The following GABBR2 variants were observed in gnomAD, a reference collection of about 807,000 sequenced individuals.
GABBR2 encodes gamma-aminobutyric acid type B receptor subunit 2.
Under a neutral mutation model 105.6 loss-of-function variants are expected in GABBR2, and 23 were observed. The ratio of observed to expected loss-of-function variants is 0.22; its 90% CI spans 0.16 to 0.31. The LOEUF (loss-of-function observed/expected upper bound fraction) is 0.31. Ranked by LOEUF, GABBR2 falls within the 10% of genes least tolerant of loss-of-function variation. The pLI is 1.00. For missense variants in GABBR2, 734 were observed against 1,245.5 expected, an observed-to-expected ratio of 0.59 and a Z score of 6.18; for synonymous variants, 478 against 499.7, an observed-to-expected ratio of 0.96 and a Z score of 0.58.
rs867288288 is a variant in GABBR2 at position 98,658,170 on chromosome 9, A to G, written c.321+50247T>C. On this transcript the variant is annotated intron_variant, in intron 1 of 18. Coordinates refer to ENST00000259455, the MANE Select transcript of GABBR2 (RefSeq NM_005458.8). ...ACCCATAGTCAAGTGATTAATAAACAAGGAAGTTGGGATCCAAACACCAAA... is the reference window on the plus strand; with the variant it reads ...ACCCATAGTCAAGTGATTAATAAACGAGGAAGTTGGGATCCAAACACCAAA... Among the ~76,000 whole-genome samples, 7 of 152,202 alleles carry G rather than the reference A, an allele frequency of 4.6e-5. No individual in the cohort carries two copies. The South Asian group carries it at 1.2e-3, about 27-fold the overall frequency.
At chr9:98,433,503 T>A (rs566256092) in intron 7 of GABBR2, among the ~76,000 whole-genome samples, 1 of 152,328 alleles carries the variant, frequency 6.6e-6, no homozygotes, top group East Asian at 1.9e-4. Flanking sequence ...CAAGCTAGCC[T>A]CTACCTTATG....
chr9:98,593,912 T>A (rs774648291), intron 1 of GABBR2, among the ~76,000 whole-genome samples: 1 of 152,182 alleles, frequency 6.6e-6, no homozygotes. Flanking sequence ...CTCCCCCACC[T>A]GACAGATGAG....
At chr9:98,570,286 G>A (rs535822308) in intron 2 of GABBR2, among the ~76,000 whole-genome samples, 1 of 152,340 alleles carries the variant, frequency 6.6e-6, no homozygotes, top group African/African-American at 2.4e-5. Context: ...ACAGCGCTGG[G>A]AGAAATGCAT....
chr9:98,418,357 G>A (rs748827994), intron 7 of GABBR2, among the ~76,000 whole-genome samples: 5 of 152,036 alleles, frequency 3.3e-5, no homozygotes, highest in Admixed American at 6.6e-5. Flanking sequence ...GCAACATAGC[G>A]AGACCCCGTC....
At position 98,534,179 on chromosome 9, in the gene GABBR2, G is replaced by A. The variant is rs1197431908; in HGVS notation, c.630+7694C>T. On this transcript the variant is annotated intron_variant, in intron 3 of 18. Coordinates refer to ENST00000259455, the MANE Select transcript of GABBR2 (RefSeq NM_005458.8). Reference sequence around the variant, plus strand: ...CTGAAAGGGCAGGTGCTTTGAAGAGGAAGCTCTGCAGATGCTGACCTTTTG... The same window carrying A: ...CTGAAAGGGCAGGTGCTTTGAAGAGAAAGCTCTGCAGATGCTGACCTTTTG... 2.0e-5 allele frequency among the ~76,000 whole-genome samples: 3 copies of A among 152,236 alleles called. No homozygotes were observed. In the East Asian group the frequency reaches 5.8e-4, roughly 29 times the overall value.
intron 15 of GABBR2, 128 bp downstream of exon 15, chr9:98,305,993 A>G: frequency 1.5e-6 from 1 of 668,074 alleles, no homozygotes; most frequent in Non-Finnish European, 2.6e-6. Flanking sequence ...ATTTTCTATA[A>G]TGTGAATTGT....
At chr9:98,504,820 A>T (rs1402644791) in intron 3 of GABBR2, among the ~76,000 whole-genome samples, 1 of 152,228 alleles carries the variant, frequency 6.6e-6, no homozygotes, top group African/African-American at 2.4e-5. Context: ...TGTAGCTAAG[A>T]TGCTAATTAG....
At chr9:98,576,223 C>T (rs1828905795) in intron 2 of GABBR2, among the ~76,000 whole-genome samples, 1 of 152,216 alleles carries the variant, frequency 6.6e-6, no homozygotes, top group Admixed American at 6.5e-5. Flanking sequence ...CAGGCTCCTG[C>T]TCACCCTGTC....
intron 13 of GABBR2, among the ~76,000 whole-genome samples, chr9:98,358,182 G>T (rs1209542896): frequency 6.6e-6 from 1 of 152,174 alleles, no homozygotes; most frequent in Non-Finnish European, 1.5e-5. Context: ...CCCAGGCTTG[G>T]GTCTCCTTGG....
chr9:98,677,051 C>G (rs1285035474), intron 1 of GABBR2, among the ~76,000 whole-genome samples: 1 of 152,222 alleles, frequency 6.6e-6, no homozygotes, highest in African/African-American at 2.4e-5. Flanking sequence ...CCCTCAGCCT[C>G]AACTTCCCCT....
chr9:98,316,374 A>G (rs1488150682), intron 13 of GABBR2, among the ~76,000 whole-genome samples: 1 of 150,626 alleles, frequency 6.6e-6, no homozygotes, highest in Admixed American at 6.6e-5. Context: ...CTGGTCTCGA[A>G]CTCCCAACCT....
intron 12 of GABBR2, among the ~76,000 whole-genome samples, chr9:98,365,068 T>C (rs950699664): frequency 6.6e-6 from 1 of 152,202 alleles, no homozygotes; most frequent in Admixed American, 6.5e-5. Flanking sequence ...GCAGGAGGGC[T>C]TCTGTGTTAT....
chr9:98,583,970 T>TTA (rs1221279196), intron 1 of GABBR2, among the ~76,000 whole-genome samples: 1 of 152,244 alleles, frequency 6.6e-6, no homozygotes, highest in Admixed American at 6.5e-5. Context: ...CTGACAGCTT[T>TTA]TAGTGAGATG....
intron 13 of GABBR2, among the ~76,000 whole-genome samples, chr9:98,331,340 T>C (rs1307576307): frequency 1.3e-5 from 2 of 152,132 alleles, no homozygotes; most frequent in African/African-American, 4.8e-5. Flanking sequence ...ACAGCTTCTG[T>C]TTTCTTTATC....
intron 13 of GABBR2, among the ~76,000 whole-genome samples, chr9:98,350,567 G>T (rs577540651): frequency 1.3e-5 from 2 of 152,034 alleles, no homozygotes; most frequent in African/African-American, 4.8e-5. Flanking sequence ...TTTTGTTATT[G>T]ATTTCTAATT....
intron 13 of GABBR2, among the ~76,000 whole-genome samples, chr9:98,329,532 T>C (rs538880358): frequency 6.6e-6 from 1 of 152,328 alleles, no homozygotes; most frequent in South Asian, 2.1e-4. Flanking sequence ...ATTGGGCTAC[T>C]GTGCCTATAC....
Position 98,464,076 on chromosome 9 carries a change from C to T in GABBR2, c.999+9070G>A, listed in dbSNP as rs533744606. Among the ~76,000 whole-genome samples, 8 of 152,328 alleles carry T rather than the reference C, an allele frequency of 5.3e-5. No homozygotes were observed. In the East Asian group the frequency reaches 7.7e-4, roughly 15 times the overall value. The stretch of plus-strand genomic sequence containing the variant: ...GCCACCCCGTCTAGGAAGTGAGCAG[C>T]GTCTCTGCCTGGCAGCCCATCGTCT... On this transcript the variant is annotated intron_variant, in intron 6 of 18. Transcript: ENST00000259455.
At chr9:98,455,494 T>A (rs1441752076) in intron 6 of GABBR2, among the ~76,000 whole-genome samples, 1 of 152,094 alleles carries the variant, frequency 6.6e-6, no homozygotes, top group African/African-American at 2.4e-5. Flanking sequence ...GGGCATGCAG[T>A]CAGTCTATAG....
At position 98,500,898 on chromosome 9, in the gene GABBR2, C is replaced by A. The variant is rs117977039; in HGVS notation, c.631-4384G>T. Among the ~76,000 whole-genome samples, 4 of 152,326 alleles carry A rather than the reference C, an allele frequency of 2.6e-5. No individual in the cohort carries two copies. The East Asian group carries it at 7.7e-4, about 29-fold the overall frequency. On this transcript the variant is annotated intron_variant, in intron 3 of 18. Coordinates refer to ENST00000259455, the MANE Select transcript of GABBR2 (RefSeq NM_005458.8). ...CTACCCAGAACTACTGAATCAGACA[C>A]TCCAGGGTGGGGTCCAGCACCCTGT...
Sources: allele counts gnomAD v4.1 joint callset (sites outside exome capture counted in the v4.1 genomes callset), GRCh38; gene constraint gnomAD v4.1.1; transcripts MANE v1.5; gene names NCBI Gene and HGNC (gene_info 2026-07-23, HGNC 2026-07-21).